The following GLCCI1 variants were observed in gnomAD, a reference collection of about 807,000 sequenced individuals.
GLCCI1 encodes the protein glucocorticoid-induced transcript 1 protein.
GLCCI1 carries 24 observed loss-of-function variants against 52.2 expected under a neutral mutation model. The ratio of observed to expected loss-of-function variants is 0.46; its 90% CI spans 0.33 to 0.65. The LOEUF (loss-of-function observed/expected upper bound fraction) is 0.65, where lower values mean the gene tolerates loss of function less well. GLCCI1 is among the 30% of genes least tolerant of loss of function. The probability of loss-of-function intolerance (pLI) is 0.02; values close to 1 mark genes in which losing one functional copy is unlikely to be tolerated. For missense variants in GLCCI1, 704 were observed against 701.5 expected, an observed-to-expected ratio of 1.00 and a Z score of -0.04; for synonymous variants, 310 against 276.5, an observed-to-expected ratio of 1.12 and a Z score of -1.20.
intron 6 of GLCCI1, among the ~76,000 whole-genome samples, chr7:8,075,183 G>T (rs914543547): frequency 2.0e-5 from 3 of 152,050 alleles, no homozygotes; most frequent in African/African-American, 7.2e-5. Flanking sequence ...TGCCTGTATG[G>T]ATTGTAATGC....
At chr7:8,069,194 C>T (rs995528999) in intron 5 of GLCCI1, among the ~76,000 whole-genome samples, 1 of 151,682 alleles carries the variant, frequency 6.6e-6, no homozygotes, top group Non-Finnish European at 1.5e-5. Flanking sequence ...TGGCAGAGGG[C>T]CTTTCCCTTG....
chr7:8,087,506 G>C lies in GLCCI1; in HGVS notation c.*968G>C, dbSNP rs1025838427. The stretch of plus-strand genomic sequence containing the variant: ...TAGAGTTAATTTCAAAATAAGTGAA[G>C]TGTTTGACGGAATGGTTGAGATTTT... On this transcript the variant is annotated 3_prime_UTR_variant, in exon 8 of 8. Transcript: ENST00000223145. 7.2e-5 allele frequency: 11 copies of C among 152,654 alleles called. No homozygotes were observed. The highest frequency in any genetic ancestry group is 6.2e-4 in the South Asian group (3 of 4,834). The allele number at this position is 152,654 out of a possible 1,614,324, so 9.5% of individuals were successfully genotyped here. A position where few individuals can be genotyped will look rare whatever the true frequency, so the allele number is the denominator to read the frequency against.
At chr7:8,030,836 T>G (rs1264081794) in intron 3 of GLCCI1, among the ~76,000 whole-genome samples, 3 of 152,086 alleles carry the variant, frequency 2.0e-5, no homozygotes, top group Non-Finnish European at 4.4e-5. Flanking sequence ...TGCAATGAGG[T>G]ATCATCTCAC....
At position 7,969,362 on chromosome 7, in the gene GLCCI1, C is replaced by G. The variant is rs1438556997; in HGVS notation, c.12C>G (p.Ala4=). 7.5e-6 allele frequency: 10 copies of G among 1,338,096 alleles called. No homozygotes were observed. The highest frequency in any genetic ancestry group is 2.3e-4 in the Middle Eastern group (1 of 4,300). 82.9% of individuals were successfully genotyped at this position (1,338,096 alleles called of 1,614,324 possible). A position where few individuals can be genotyped will look rare whatever the true frequency, so the allele number is the denominator to read the frequency against. MST[A]SSSSSSSSSQ... is the part of the protein sequence containing the mutation. ...CCCGCAGAGCCACCATGTCCACTGC[C>G]TCCTCCTCCTCCTCCTCCAGTTCCT... The change falls in exon 1 of 8, where the codon GCC becomes GCG. Residue 4 remains alanine, a synonymous_variant. Coordinates refer to ENST00000223145, the MANE Select transcript of GLCCI1 (RefSeq NM_138426.4). The surrounding 1 kb of genome is among the most constrained non-coding windows in gnomAD (Gnocchi z 4.9).
rs1034800868 is a variant in GLCCI1 at position 7,969,859 on chromosome 7, C to T, written c.457+52C>T. 3.1e-5 allele frequency: 42 copies of T among 1,333,966 alleles called. No individual in the cohort carries two copies. The highest frequency in any genetic ancestry group is 4.0e-5 in the Non-Finnish European group (41 of 1,033,022). 82.6% of individuals were successfully genotyped at this position (1,333,966 alleles called of 1,614,324 possible). On this transcript the variant is annotated intron_variant, in intron 1 of 7. Transcript: ENST00000223145. The surrounding 1 kb of genome is among the most constrained non-coding windows in gnomAD (Gnocchi z 4.9). ...CCGGGCTGCGTCTCCCCGACGGTGCCCTCCGTGGAAACTTCAGCCTCTTCG... is the reference window on the plus strand; with the variant it reads ...CCGGGCTGCGTCTCCCCGACGGTGCTCTCCGTGGAAACTTCAGCCTCTTCG...
intron 1 of GLCCI1, among the ~76,000 whole-genome samples, chr7:7,996,876 T>C (rs1780948546): frequency 1.3e-5 from 2 of 152,234 alleles, no homozygotes; most frequent in Admixed American, 1.3e-4. Context: ...TTTCAGATTC[T>C]ACCCACACTG....
At chr7:8,007,579 G>A (rs1183245747) in intron 2 of GLCCI1, among the ~76,000 whole-genome samples, 1 of 152,026 alleles carries the variant, frequency 6.6e-6, no homozygotes, top group Admixed American at 6.6e-5. Flanking sequence ...ACTTTTTATG[G>A]CGACATCCGT....
intron 6 of GLCCI1, 187 bp from the exon 7 acceptor site, chr7:8,084,710 T>C (rs1009516266): frequency 1.9e-6 from 1 of 535,232 alleles, no homozygotes; most frequent in Non-Finnish European, 3.2e-6. Context: ...GGCAGATGAC[T>C]GTTGCATTGC....
chr7:7,970,752 G>A (rs1313284639), intron 1 of GLCCI1, among the ~76,000 whole-genome samples: 1 of 152,110 alleles, frequency 6.6e-6, no homozygotes, highest in Non-Finnish European at 1.5e-5. Context: ...AGGAAGATTA[G>A]CCAAAACAGG....
intron 2 of GLCCI1, among the ~76,000 whole-genome samples, chr7:8,006,956 A>T (rs955308049): frequency 3.3e-5 from 5 of 152,004 alleles, no homozygotes; most frequent in Non-Finnish European, 5.9e-5. Flanking sequence ...AGACCTTAGA[A>T]GCCAAGCCTA....
chr7:8,041,738 A>G (rs1198245394), intron 3 of GLCCI1, among the ~76,000 whole-genome samples: 1 of 152,058 alleles, frequency 6.6e-6, no homozygotes, highest in Non-Finnish European at 1.5e-5. Flanking sequence ...CTACAGGCAT[A>G]CACCACCACA....
At chr7:7,991,766 A>G (rs1419155889) in intron 1 of GLCCI1, among the ~76,000 whole-genome samples, 1 of 152,056 alleles carries the variant, frequency 6.6e-6, no homozygotes, top group South Asian at 2.1e-4. Context: ...CTCATGGTAA[A>G]TATCTTTCTC....
At chr7:7,984,716 T>C (rs1445765677) in intron 1 of GLCCI1, among the ~76,000 whole-genome samples, 1 of 152,216 alleles carries the variant, frequency 6.6e-6, no homozygotes. Context: ...TTCTCATTGC[T>C]GAATAAAATG....
chr7:8,031,597 C>T (rs1356162513), intron 3 of GLCCI1, among the ~76,000 whole-genome samples: 4 of 151,830 alleles, frequency 2.6e-5, no homozygotes, highest in African/African-American at 9.7e-5. Flanking sequence ...GGATAGATAC[C>T]CAGTTTACTC....
At chr7:8,053,438 T>C (rs1782311961) in intron 3 of GLCCI1, among the ~76,000 whole-genome samples, 1 of 151,472 alleles carries the variant, frequency 6.6e-6, no homozygotes, top group African/African-American at 2.4e-5. Context: ...TTCTTTTGCC[T>C]CAGCCTCCCA....
chr7:8,083,450 C>A (rs900516873), intron 6 of GLCCI1, among the ~76,000 whole-genome samples: 1 of 152,134 alleles, frequency 6.6e-6, no homozygotes, highest in Non-Finnish European at 1.5e-5. Context: ...CAAATTCAGA[C>A]CTCCAATCAG....
intron 3 of GLCCI1, among the ~76,000 whole-genome samples, chr7:8,026,578 G>A (rs1195056091): frequency 6.6e-6 from 1 of 152,270 alleles, no homozygotes; most frequent in African/African-American, 2.4e-5. Context: ...CCATTCCCTG[G>A]CAGCAGTTGT....
chr7:8,019,567 T>C (rs1281310282), intron 2 of GLCCI1, among the ~76,000 whole-genome samples: 1 of 152,058 alleles, frequency 6.6e-6, no homozygotes, highest in African/African-American at 2.4e-5. Context: ...TGTCACTTCA[T>C]GAGGGGGATA....
intron 5 of GLCCI1, among the ~76,000 whole-genome samples, chr7:8,068,168 G>T (rs1782674905): frequency 6.6e-6 from 1 of 152,158 alleles, no homozygotes; most frequent in African/African-American, 2.4e-5. Context: ...GGCCAACGTG[G>T]TGAAACCCCA....
Sources: gnomAD v4.1 joint callset for allele counts (sites outside exome capture counted in the v4.1 genomes callset) on GRCh38, gnomAD v4.1.1 for gene constraint, Gnocchi (gnomAD v3.1) non-coding constraint, MANE v1.5 for transcripts, NCBI Gene and HGNC (gene_info 2026-07-23, HGNC 2026-07-21) for gene names.